Variants in MRPS5 observed in about 807,000 individuals in gnomAD.
MRPS5 encodes the protein mitochondrial ribosomal protein S5, also known as small ribosomal subunit protein uS5m.
Under a neutral mutation model 51.9 loss-of-function variants are expected in MRPS5, and 27 were observed. The observed-to-expected ratio is 0.52, with a 90% CI of 0.38 to 0.72. MRPS5 has a LOEUF of 0.72. MRPS5 is among the 30% of genes least tolerant of loss of function. The pLI is 0.00. For synonymous variants in MRPS5, 196 were observed against 193.2 expected (o/e 1.01, Z -0.12); for missense variants, 570 against 545.7 (o/e 1.04, Z -0.44).
Position 95,119,596 on chromosome 2 carries a change from G to A in MRPS5, c.59-1651C>T, listed in dbSNP as rs181220253. 1.8e-3 allele frequency among the ~76,000 whole-genome samples: 270 copies of A among 146,782 alleles called. 2 individuals carry two copies. Among genetic ancestry groups the A allele is most frequent in the African/African-American group, 6.6e-3 (263 of 39,726 alleles). On this transcript the variant is annotated intron_variant, in intron 1 of 11. Coordinates refer to ENST00000272418, the MANE Select transcript of MRPS5 (RefSeq NM_031902.5). The stretch of plus-strand genomic sequence containing the variant: ...CACTGCACTTCTACCTGGGCAATGG[G>A]ACAAGACCCTGTCTCGAAAAAAAAA...
At chr2:95,103,662 G>A (rs1675865934) in intron 7 of MRPS5, 1 of 152,040 alleles carries the variant, frequency 6.6e-6, no homozygotes, top group Admixed American at 6.6e-5. Context: ...GTAAAAATTT[G>A]GAAACAACTT....
At chr2:95,118,077 G>C in intron 1 of MRPS5, 132 bp from the exon 2 acceptor site, 1 of 622,726 alleles carries the variant, frequency 1.6e-6, no homozygotes, top group Admixed American at 3.6e-5. Flanking sequence ...TGGGCTCCAG[G>C]ACAACTTGTC....
rs549520637 is a variant in MRPS5, at chr2:95,087,294, G to A, written c.*63C>T. On this transcript the variant is annotated 3_prime_UTR_variant, in exon 12 of 12. Transcript: ENST00000272418. ...AAGGCAAGGTAACATCCCAAGCTGT[G>A]AGGGGCTGAGTCTCTCCTAGGTGCA... 2.3e-6 allele frequency: 3 copies of A among 1,311,294 alleles called. No individual in the cohort carries two copies. The highest frequency in any genetic ancestry group is 3.2e-6 in the Non-Finnish European group (3 of 923,768). 81.2% of individuals were successfully genotyped at this position (1,311,294 alleles called of 1,614,324 possible). A position where few individuals can be genotyped will look rare whatever the true frequency, so the allele number is the denominator to read the frequency against.
At chr2:95,117,739 C>T in intron 2 of MRPS5, 126 bp downstream of exon 2, 1 of 755,082 alleles carries the variant, frequency 1.3e-6, no homozygotes, top group Non-Finnish European at 2.2e-6. Flanking sequence ...ACTAACCAGG[C>T]TAAAAAATGA....
intron 10 of MRPS5, chr2:95,093,108 G>C (rs1236072122): frequency 6.6e-6 from 1 of 152,298 alleles, no homozygotes; most frequent in Non-Finnish European, 1.5e-5. Flanking sequence ...CACTGCTAGC[G>C]CAGCAGTCCG....
chr2:95,112,929 C>T (rs1676166461), intron 3 of MRPS5, among the ~76,000 whole-genome samples: 1 of 151,666 alleles, frequency 6.6e-6, no homozygotes, highest in Admixed American at 6.6e-5. Context: ...GGCATAAACC[C>T]AGGAGGTGGA....
At chr2:95,115,604 T>G (rs1014333317) in intron 2 of MRPS5, among the ~76,000 whole-genome samples, 46 of 152,294 alleles carry the variant, frequency 3.0e-4, no homozygotes, top group African/African-American at 9.6e-4. Flanking sequence ...CAGGAGAGCA[T>G]GTACACTATC....
At chr2:95,103,045 A>G (rs1377613256) in intron 7 of MRPS5, among the ~76,000 whole-genome samples, 12 of 152,206 alleles carry the variant, frequency 7.9e-5, no homozygotes, top group Admixed American at 7.9e-4. Flanking sequence ...AAATATGGGG[A>G]AACTTACTAA....
intron 7 of MRPS5, among the ~76,000 whole-genome samples, chr2:95,102,705 T>G (rs1675839570): frequency 6.6e-6 from 1 of 152,146 alleles, no homozygotes; most frequent in African/African-American, 2.4e-5. Flanking sequence ...AAACATCCAC[T>G]GCTATAGAGT....
At chr2:95,099,610 G>C (rs1486204970) in intron 10 of MRPS5, among the ~76,000 whole-genome samples, 1 of 152,070 alleles carries the variant, frequency 6.6e-6, no homozygotes, top group African/African-American at 2.4e-5. Context: ...CTGCTGTATG[G>C]GACAGCACAG....
intron 11 of MRPS5, among the ~76,000 whole-genome samples, chr2:95,089,491 G>A (rs777404538): frequency 2.6e-5 from 4 of 152,214 alleles, no homozygotes; most frequent in African/African-American, 4.8e-5. Flanking sequence ...GGGCAGGTAG[G>A]GGAGCTGCCC....
chr2:95,121,567 G>T (rs1310829543), intron 1 of MRPS5, among the ~76,000 whole-genome samples, 167 bp downstream of exon 1: 1 of 152,358 alleles, frequency 6.6e-6, no homozygotes, highest in African/African-American at 2.4e-5. Flanking sequence ...AGAGGGAGAG[G>T]ACGCGCGCAA....
At chr2:95,111,829 G>C (rs1676129677) in intron 3 of MRPS5, among the ~76,000 whole-genome samples, 1 of 151,978 alleles carries the variant, frequency 6.6e-6, no homozygotes, top group Non-Finnish European at 1.5e-5. Context: ...ATTACATTGT[G>C]AGTCTTTTCC....
At chr2:95,101,853 C>CTAT in intron 7 of MRPS5, 130 bp from the exon 8 acceptor site, 1 of 637,128 alleles carries the variant, frequency 1.6e-6, no homozygotes, top group South Asian at 2.0e-5. Flanking sequence ...AAAAGACTTG[C>CTAT]TATACAAAAC....
At chr2:95,114,760 C>T (rs1457594935) in intron 3 of MRPS5, among the ~76,000 whole-genome samples, 19 of 152,044 alleles carry the variant, frequency 1.2e-4, no homozygotes, top group Non-Finnish European at 2.9e-5. Flanking sequence ...AACTAAGGCA[C>T]GAATGAAAAC....
At chr2:95,121,653 G>C in intron 1 of MRPS5, 81 bp downstream of exon 1, 2 of 1,445,522 alleles carry the variant, frequency 1.4e-6, no homozygotes, top group Non-Finnish European at 1.8e-6. Flanking sequence ...GCTTCCCTCC[G>C]CCCCGACTTC....
chr2:95,088,477 T>C (rs1377467191), intron 11 of MRPS5, among the ~76,000 whole-genome samples: 1 of 152,220 alleles, frequency 6.6e-6, no homozygotes, highest in African/African-American at 2.4e-5. Flanking sequence ...ATACCTGCTA[T>C]GTCAATCCCG....
At chr2:95,119,894 C>G (rs1283688234) in intron 1 of MRPS5, among the ~76,000 whole-genome samples, 1 of 152,090 alleles carries the variant, frequency 6.6e-6, no homozygotes, top group Admixed American at 6.6e-5. Context: ...GAGACCCACT[C>G]TACAAAAAAT....
chr2:95,094,184 G>GA (rs1363883635), intron 10 of MRPS5, among the ~76,000 whole-genome samples: 1 of 152,046 alleles, frequency 6.6e-6, no homozygotes, highest in Non-Finnish European at 1.5e-5. Context: ...GAAGTTTAGA[G>GA]AAAAAAGAGT....
Sources: gnomAD v4.1 joint callset for allele counts (sites outside exome capture counted in the v4.1 genomes callset) on GRCh38, gnomAD v4.1.1 for gene constraint, MANE v1.5 for transcripts, NCBI Gene and HGNC (gene_info 2026-07-23, HGNC 2026-07-21) for gene names.